SPIDR: variants seen among roughly 807,000 people sequenced by gnomAD.
The protein encoded by SPIDR is DNA repair-scaffolding protein.
A neutral mutation model predicts 104.6 loss-of-function variants in SPIDR; 93 were observed. The ratio of observed to expected loss-of-function variants is 0.89; its 90% CI spans 0.75 to 1.06. The LOEUF is 1.06. Among genes scored for constraint, SPIDR ranks in the 50% least tolerant of loss-of-function variants. The probability of loss-of-function intolerance (pLI) is 0.00; values close to 1 mark genes in which losing one functional copy is unlikely to be tolerated. For missense variants in SPIDR, 1,154 were observed against 1,111.2 expected (o/e 1.04, Z -0.55); for synonymous variants, 431 against 416.9 (o/e 1.03, Z -0.41).
At chr8:47,362,364 G>A (rs919649093) in intron 5 of SPIDR, among the ~76,000 whole-genome samples, 21 of 151,954 alleles carry the variant, frequency 1.4e-4, no homozygotes, top group African/African-American at 5.1e-4. Flanking sequence ...GGACTAATGA[G>A]TCCTCCTATG....
chr8:47,412,320 T>A (rs2063648193), intron 7 of SPIDR, among the ~76,000 whole-genome samples: 1 of 152,178 alleles, frequency 6.6e-6, no homozygotes, highest in Non-Finnish European at 1.5e-5. Flanking sequence ...TATTTAGAAT[T>A]TAGGGAAGTC....
At chr8:47,269,144 G>A (rs1174275510) in intron 1 of SPIDR, among the ~76,000 whole-genome samples, 2 of 151,642 alleles carry the variant, frequency 1.3e-5, no homozygotes, top group African/African-American at 4.9e-5. Context: ...TCCAGCCTGG[G>A]CAACAGAGTG....
intron 4 of SPIDR, among the ~76,000 whole-genome samples, chr8:47,292,327 A>G (rs1038794491): frequency 2.0e-5 from 3 of 152,286 alleles, no homozygotes; most frequent in Admixed American, 2.0e-4. Context: ...GTAACTATTA[A>G]TATCATTGAC....
At chr8:47,363,758 G>A (rs2056636849) in intron 5 of SPIDR, among the ~76,000 whole-genome samples, 1 of 151,838 alleles carries the variant, frequency 6.6e-6, no homozygotes, top group Admixed American at 6.6e-5. Flanking sequence ...TTCAGTTTGG[G>A]GACCCCTGAG....
intron 5 of SPIDR, among the ~76,000 whole-genome samples, chr8:47,323,946 G>T (rs560756551): frequency 6.6e-6 from 1 of 152,020 alleles, no homozygotes; most frequent in Non-Finnish European, 1.5e-5. Context: ...TGTAACTTTT[G>T]TTTAAGCTAA....
At chr8:47,565,878 C>T (rs2057724596) in intron 8 of SPIDR, among the ~76,000 whole-genome samples, 1 of 141,710 alleles carries the variant, frequency 7.1e-6, no homozygotes, top group Non-Finnish European at 1.5e-5. Context: ...AATAAGACAA[C>T]AAAGGGGACA....
At chr8:47,657,650 A>G (rs533413238) in intron 10 of SPIDR, among the ~76,000 whole-genome samples, 1 of 152,212 alleles carries the variant, frequency 6.6e-6, no homozygotes, top group East Asian at 1.9e-4. Context: ...TATTGGGGTA[A>G]CTGGGTGAAG....
intron 3 of SPIDR, among the ~76,000 whole-genome samples, chr8:47,284,951 T>C (rs1372286978): frequency 1.3e-5 from 2 of 152,150 alleles, no homozygotes; most frequent in African/African-American, 4.8e-5. Context: ...CCGCTGTGGG[T>C]GTGTAGGAAG....
At chr8:47,353,632 A>G (rs782676011) in intron 5 of SPIDR, among the ~76,000 whole-genome samples, 2 of 152,158 alleles carry the variant, frequency 1.3e-5, no homozygotes, top group Non-Finnish European at 2.9e-5. Context: ...AATATGTACC[A>G]AACACTGAAA....
At chr8:47,475,760 TAAG>T (rs2076216024) in intron 8 of SPIDR, among the ~76,000 whole-genome samples, 1 of 152,122 alleles carries the variant, frequency 6.6e-6, no homozygotes, top group African/African-American at 2.4e-5. Context: ...TCCAAAAAGA[TAAG>T]AAGTAAATGG....
chr8:47,639,600 C>T (rs2068516771), intron 10 of SPIDR, among the ~76,000 whole-genome samples: 2 of 152,192 alleles, frequency 1.3e-5, no homozygotes, highest in Non-Finnish European at 2.9e-5. Flanking sequence ...TATTCGACTA[C>T]ATATTGAATG....
chr8:47,406,695 TAAC>T (rs1563877608), intron 6 of SPIDR, among the ~76,000 whole-genome samples: 1 of 152,162 alleles, frequency 6.6e-6, no homozygotes, highest in African/African-American at 2.4e-5. Context: ...GTGAAAAACA[TAAC>T]AAAAACAGTT....
intron 8 of SPIDR, among the ~76,000 whole-genome samples, chr8:47,560,217 C>T (rs1468991603): frequency 6.6e-6 from 1 of 152,226 alleles, no homozygotes; most frequent in Non-Finnish European, 1.5e-5. Context: ...GCTGTTCTCT[C>T]ACCTTGTGGG....
At chr8:47,729,126 C>T (rs751817159) in intron 18 of SPIDR, 79 bp downstream of exon 18, 1 of 1,568,948 alleles carries the variant, frequency 6.4e-7, no homozygotes, top group Non-Finnish European at 8.6e-7. Context: ...GAAGCAGGTG[C>T]ACGTCCTCCT....
rs915810151 is a variant in SPIDR, at chr8:47,640,905, G to A, written c.1545-32896G>A. Among the ~76,000 whole-genome samples, 5 of 108,692 alleles carry A rather than the reference G, an allele frequency of 4.6e-5. No individual in the cohort carries two copies. In the South Asian group the frequency reaches 9.7e-4, roughly 21 times the overall value. 71.3% of individuals were successfully genotyped at this position (108,692 alleles called of 152,430 possible). A position where few individuals can be genotyped will look rare whatever the true frequency, so the allele number is the denominator to read the frequency against. On this transcript the variant is annotated intron_variant, in intron 10 of 19. Transcript: ENST00000297423. ...TTTTTTGTATTTTGGTAGAGACGGG[G>A]TTTCACCGTGTTGCCCAGGCTGGTC...
At chr8:47,600,358 TAAAGA>T (rs2062114987) in intron 10 of SPIDR, among the ~76,000 whole-genome samples, 1 of 152,016 alleles carries the variant, frequency 6.6e-6, no homozygotes, top group Non-Finnish European at 1.5e-5. Context: ...ATCTCTAATA[TAAAGA>T]CAATGCAATC....
chr8:47,381,015 A>G (rs2059265287), intron 5 of SPIDR, among the ~76,000 whole-genome samples: 1 of 152,012 alleles, frequency 6.6e-6, no homozygotes, highest in South Asian at 2.1e-4. Flanking sequence ...AGTCCAATAT[A>G]CTCTTTATTT....
At chr8:47,314,219 C>T (rs967134810) in intron 5 of SPIDR, among the ~76,000 whole-genome samples, 7 of 151,644 alleles carry the variant, frequency 4.6e-5, no homozygotes, top group Non-Finnish European at 8.8e-5. Context: ...TAAAGATATA[C>T]ATTATAATTC....
chr8:47,636,987 A>G (rs1208427888), intron 10 of SPIDR, among the ~76,000 whole-genome samples: 1 of 152,210 alleles, frequency 6.6e-6, no homozygotes, highest in Non-Finnish European at 1.5e-5. Context: ...CCTGGAATTG[A>G]CAGACATTCA....
Sources: gnomAD v4.1 joint callset for allele counts (sites outside exome capture counted in the v4.1 genomes callset) on GRCh38, gnomAD v4.1.1 for gene constraint, MANE v1.5 for transcripts, NCBI Gene and HGNC (gene_info 2026-07-23, HGNC 2026-07-21) for gene names.